PCDH15: variants seen among roughly 807,000 people sequenced by gnomAD.
PCDH15 encodes the protein protocadherin related 15.
PCDH15 carries 129 observed loss-of-function variants against 178.5 expected under a neutral mutation model. The observed-to-expected ratio is 0.72, with a 90% CI of 0.63 to 0.84. PCDH15 has a LOEUF of 0.84. Among genes scored for constraint, PCDH15 ranks in the 40% least tolerant of loss-of-function variants. The probability of loss-of-function intolerance (pLI) is 0.00; values close to 1 mark genes in which losing one functional copy is unlikely to be tolerated. For synonymous variants in PCDH15, 800 were observed against 732.0 expected (o/e 1.09, Z -1.50); for missense variants, 2,230 against 2,099.9 (o/e 1.06, Z -1.21).
At chr10:55,414,551 T>C (rs1442266595) in intron 2 of PCDH15, among the ~76,000 whole-genome samples, 3 of 151,698 alleles carry the variant, frequency 2.0e-5, no homozygotes. Context: ...TATTCTTCAA[T>C]TTAATTCTCA....
At chr10:54,114,075 G>C (rs2095071808) in intron 15 of PCDH15, among the ~76,000 whole-genome samples, 1 of 152,066 alleles carries the variant, frequency 6.6e-6, no homozygotes, top group South Asian at 2.1e-4. Context: ...ACAACACGTG[G>C]GGATTATTAC....
At chr10:54,428,496 G>T (rs527417467) in intron 3 of PCDH15, among the ~76,000 whole-genome samples, 1 of 152,164 alleles carries the variant, frequency 6.6e-6, no homozygotes, top group Non-Finnish European at 1.5e-5. Context: ...CCTTCACGTG[G>T]TAAATCTGGC....
chr10:55,389,245 G>T (rs1189405845), intron 2 of PCDH15, among the ~76,000 whole-genome samples: 1 of 151,938 alleles, frequency 6.6e-6, no homozygotes, highest in Non-Finnish European at 1.5e-5. Context: ...AAGAAGTGAA[G>T]ACCTGTCAAC....
At chr10:54,728,058 G>A (rs1942825323) in intron 1 of PCDH15, among the ~76,000 whole-genome samples, 2 of 151,392 alleles carry the variant, frequency 1.3e-5, no homozygotes, top group Admixed American at 1.3e-4. Flanking sequence ...AACTGAGGAG[G>A]GACTTCTCCC....
At chr10:54,394,013 G>T (rs1030515337) in intron 3 of PCDH15, among the ~76,000 whole-genome samples, 3 of 151,600 alleles carry the variant, frequency 2.0e-5, no homozygotes, top group Non-Finnish European at 2.9e-5. Flanking sequence ...AAAAAGAAAA[G>T]ACGAAGAAAA....
At chr10:54,419,007 T>A (rs1954850260) in intron 3 of PCDH15, among the ~76,000 whole-genome samples, 1 of 152,046 alleles carries the variant, frequency 6.6e-6, no homozygotes, top group South Asian at 2.1e-4. Flanking sequence ...AACTGTTTAA[T>A]CTGTAAGTAC....
intron 2 of PCDH15, among the ~76,000 whole-genome samples, chr10:55,114,704 C>G (rs149426130): frequency 6.6e-6 from 1 of 152,174 alleles, no homozygotes; most frequent in Non-Finnish European, 1.5e-5. Context: ...AGGATAAAGA[C>G]ACAAACCTAG....
At chr10:55,507,671 G>C (rs1316448271) in intron 2 of PCDH15, among the ~76,000 whole-genome samples, 2 of 151,216 alleles carry the variant, frequency 1.3e-5, no homozygotes, top group South Asian at 4.2e-4. Context: ...GGGAAAAACT[G>C]GTCCAGAAAG....
intron 23 of PCDH15, among the ~76,000 whole-genome samples, chr10:53,955,109 G>C (rs1036808968): frequency 1.3e-5 from 2 of 152,120 alleles, no homozygotes; most frequent in Admixed American, 6.5e-5. Flanking sequence ...ACCCGTACCT[G>C]GATTCTCACA....
chr10:53,888,304 A>G (rs142891443), intron 26 of PCDH15, among the ~76,000 whole-genome samples: 1,288 of 88,886 alleles, frequency 0.014, 48 homozygotes, highest in South Asian at 0.03. Context: ...ATATATATAT[A>G]TATATGTATA....
intron 4 of PCDH15, among the ~76,000 whole-genome samples, chr10:54,376,327 T>A (rs1948426592): frequency 6.6e-6 from 1 of 151,492 alleles, no homozygotes; most frequent in Non-Finnish European, 1.5e-5. Flanking sequence ...GTATTTATCA[T>A]AATAATATAG....
At chr10:55,394,685 T>TAA (rs931927605) in intron 2 of PCDH15, among the ~76,000 whole-genome samples, 3 of 141,274 alleles carry the variant, frequency 2.1e-5, no homozygotes, top group African/African-American at 7.8e-5. Flanking sequence ...AGTAGAAAAT[T>TAA]AAAAAAAAAA....
At chr10:54,952,233 A>T (rs553131808) in intron 2 of PCDH15, among the ~76,000 whole-genome samples, 1 of 151,968 alleles carries the variant, frequency 6.6e-6, no homozygotes, top group African/African-American at 2.4e-5. Context: ...TTGGATGTTC[A>T]TTAGTTCCAT....
intron 1 of PCDH15, among the ~76,000 whole-genome samples, chr10:55,259,349 TGGAAAG>T (rs1842090502): frequency 6.6e-6 from 1 of 152,072 alleles, no homozygotes; most frequent in African/African-American, 2.4e-5. Flanking sequence ...TCCCCAGTCT[TGGAAAG>T]GGAAAAGAAA....
intron 23 of PCDH15, among the ~76,000 whole-genome samples, chr10:53,945,516 C>T (rs1290737274): frequency 6.6e-6 from 1 of 151,952 alleles, no homozygotes; most frequent in African/African-American, 2.4e-5. Context: ...TCAATTTATT[C>T]TTCTAACAGA....
chr10:54,350,289 T>A (rs2583028), intron 5 of PCDH15, among the ~76,000 whole-genome samples: 17,497 of 152,118 alleles, frequency 0.12, 1,793 homozygotes, highest in African/African-American at 0.28. Flanking sequence ...CAGGGGAGGA[T>A]GGGCAGGCTC....
intron 1 of PCDH15, among the ~76,000 whole-genome samples, chr10:54,779,533 C>CACACATATATGTGTAT (rs1555192948): frequency 3.6e-5 from 1 of 28,118 alleles, no homozygotes; most frequent in Non-Finnish European, 7.4e-5. Flanking sequence ...TATACACACA[C>CACACATATATGTGTAT]ATATATATAG....
intron 18 of PCDH15, among the ~76,000 whole-genome samples, chr10:54,043,732 T>A (rs2093599201): frequency 6.6e-6 from 1 of 152,010 alleles, no homozygotes; most frequent in Non-Finnish European, 1.5e-5. Context: ...CCCTGACAAG[T>A]CTTCCACACC....
At chr10:54,234,134 G>A (rs2054371589) in intron 9 of PCDH15, among the ~76,000 whole-genome samples, 1 of 87,270 alleles carries the variant, frequency 1.1e-5, no homozygotes, top group South Asian at 3.5e-4. Flanking sequence ...ATCCCCTTCT[G>A]TGTGTGTGTG....
Sources: gnomAD v4.1 joint callset for allele counts (sites outside exome capture counted in the v4.1 genomes callset) on GRCh38, gnomAD v4.1.1 for gene constraint, MANE v1.5 for transcripts, NCBI Gene and HGNC (gene_info 2026-07-23, HGNC 2026-07-21) for gene names.